Variants in SIPA1L1 observed in about 807,000 individuals in gnomAD.
The protein encoded by SIPA1L1 is signal induced proliferation associated 1 like 1, also known as signal-induced proliferation-associated 1-like protein 1.
SIPA1L1 carries 26 observed loss-of-function variants against 162.7 expected under a neutral mutation model. The ratio of observed to expected loss-of-function variants is 0.16; its 90% confidence interval spans 0.12 to 0.22. SIPA1L1 has a LOEUF of 0.22. Among genes scored for constraint, SIPA1L1 ranks in the 10% least tolerant of loss-of-function variants. SIPA1L1 has a pLI of 1.00. For missense variants in SIPA1L1, 1,874 were observed against 2,241.0 expected, an observed-to-expected ratio of 0.84 and a Z score of 3.31; for synonymous variants, 829 against 837.4, an observed-to-expected ratio of 0.99 and a Z score of 0.17.
Position 71,672,511 on chromosome 14 carries a change from G to C in SIPA1L1, c.2993G>C (p.Cys998Ser). ...CAGGGCAGTCGCCTGGTGGAGATCT[G>C]CAAGGTGGCGGTAGCCACTCTGAGC... ...LRQGSRLVEI[C>S]KVAVATLSHE... Residue 998 changes from cysteine to serine, a missense_variant, in exon 12 of 24, where the codon TGC (cysteine) becomes TCC (serine). Physicochemically the swap from Cys to Ser is moderately radical, Grantham distance 112. Transcript: ENST00000381232. 1 of 1,613,822 alleles carries C rather than the reference G, an allele frequency of 6.2e-7. No individual in the cohort carries two copies. Among genetic ancestry groups the C allele is most frequent in the Non-Finnish European group, 8.5e-7 (1 of 1,179,902 alleles).
At chr14:71,681,859 A>G (rs1019702505) in intron 12 of SIPA1L1, among the ~76,000 whole-genome samples, 1 of 152,364 alleles carries the variant, frequency 6.6e-6, no homozygotes, top group East Asian at 1.9e-4. Context: ...CAAAGACTGA[A>G]AAACAGAGTA....
intron 2 of SIPA1L1, among the ~76,000 whole-genome samples, chr14:71,419,480 CTTTTTTTTTT>C (rs779874892): frequency 1.3e-4 from 11 of 85,246 alleles, no homozygotes; most frequent in East Asian, 3.5e-4. Flanking sequence ...GAGGATCTCT[CTTTTTTTTTT>C]TTTTTTTTTT....
intron 5 of SIPA1L1, among the ~76,000 whole-genome samples, chr14:71,613,052 T>C (rs751939119): frequency 6.6e-6 from 1 of 152,204 alleles, no homozygotes; most frequent in Non-Finnish European, 1.5e-5. Context: ...GATATAATGT[T>C]AATCTCTCCC....
At chr14:71,633,193 A>C (rs537932171) in intron 7 of SIPA1L1, among the ~76,000 whole-genome samples, 1 of 151,474 alleles carries the variant, frequency 6.6e-6, no homozygotes, top group African/African-American at 2.4e-5. Context: ...ATGGGGCCTC[A>C]CTCTGTCGCC....
chr14:71,499,889 A>AT (rs1267838168), intron 2 of SIPA1L1, among the ~76,000 whole-genome samples: 16 of 152,226 alleles, frequency 1.1e-4, no homozygotes, highest in South Asian at 2.1e-4. Flanking sequence ...GGTCATTGAT[A>AT]TGTGTCCCAC....
At chr14:71,629,802 G>A (rs986632930) in intron 7 of SIPA1L1, among the ~76,000 whole-genome samples, 16 of 152,260 alleles carry the variant, frequency 1.1e-4, no homozygotes, top group South Asian at 4.1e-4. Context: ...TCAGAGTAAG[G>A]GAGAAAGTGA....
chr14:71,391,887 A>C (rs112451111), intron 2 of SIPA1L1, among the ~76,000 whole-genome samples: 1 of 152,222 alleles, frequency 6.6e-6, no homozygotes, highest in Non-Finnish European at 1.5e-5. Context: ...GTAGTAGATC[A>C]AGGTGTATTG....
chr14:71,547,024 G>A (rs908450260), intron 4 of SIPA1L1, among the ~76,000 whole-genome samples: 1 of 151,854 alleles, frequency 6.6e-6, no homozygotes, highest in Non-Finnish European at 1.5e-5. Flanking sequence ...AGCCAGAAGC[G>A]TAGTTGTCAG....
At chr14:71,685,995 C>T (rs143424371) in intron 13 of SIPA1L1, among the ~76,000 whole-genome samples, 210 of 152,116 alleles carry the variant, frequency 1.4e-3, no homozygotes, top group Non-Finnish European at 2.5e-3. Flanking sequence ...CATTTTGTTC[C>T]GAAATGATGA....
At chr14:71,636,388 A>G (rs1047471854) in intron 7 of SIPA1L1, among the ~76,000 whole-genome samples, 1 of 152,258 alleles carries the variant, frequency 6.6e-6, no homozygotes, top group Non-Finnish European at 1.5e-5. Flanking sequence ...TAACAGAAAC[A>G]TAATGGAAAA....
At chr14:71,511,601 G>A (rs1007562916) in intron 2 of SIPA1L1, among the ~76,000 whole-genome samples, 1 of 152,106 alleles carries the variant, frequency 6.6e-6, no homozygotes, top group African/African-American at 2.4e-5. Flanking sequence ...AGCATCTTTT[G>A]TTACAGTATT....
chr14:71,330,254 G>C, intron 2 of SIPA1L1: 3 of 680,810 alleles, frequency 4.4e-6, no homozygotes, highest in Non-Finnish European at 8.2e-6. Context: ...CCAGGGAGGG[G>C]CTGAAAGTAG....
intron 7 of SIPA1L1, among the ~76,000 whole-genome samples, chr14:71,633,543 G>A (rs1483263287): frequency 6.6e-6 from 1 of 152,174 alleles, no homozygotes; most frequent in Non-Finnish European, 1.5e-5. Context: ...GGAACAAATG[G>A]AAATGTTAGA....
At chr14:71,529,068 C>T (rs1186314388) in intron 3 of SIPA1L1, among the ~76,000 whole-genome samples, 5 of 151,544 alleles carry the variant, frequency 3.3e-5, no homozygotes, top group Non-Finnish European at 4.4e-5. Context: ...GCCAAGATCG[C>T]ACCATTGCCC....
At chr14:71,455,150 T>A (rs1192231771) in intron 2 of SIPA1L1, among the ~76,000 whole-genome samples, 1 of 152,232 alleles carries the variant, frequency 6.6e-6, no homozygotes, top group Non-Finnish European at 1.5e-5. Flanking sequence ...TTGCATTCTG[T>A]CTCAGAAAAT....
At chr14:71,495,133 G>A (rs2049632751) in intron 2 of SIPA1L1, among the ~76,000 whole-genome samples, 1 of 152,144 alleles carries the variant, frequency 6.6e-6, no homozygotes, top group South Asian at 2.1e-4. Context: ...TAGTATTGTG[G>A]TAATATAAAA....
chr14:71,489,663 G>T (rs1444127367), intron 2 of SIPA1L1, among the ~76,000 whole-genome samples: 1 of 149,712 alleles, frequency 6.7e-6, no homozygotes, highest in Non-Finnish European at 1.5e-5. Flanking sequence ...CTCAGGCCAC[G>T]CATAAAGTAC....
At chr14:71,657,432 A>C (rs1195026707) in intron 8 of SIPA1L1, among the ~76,000 whole-genome samples, 1 of 152,082 alleles carries the variant, frequency 6.6e-6, no homozygotes, top group Non-Finnish European at 1.5e-5. Flanking sequence ...GCAACCCCTA[A>C]GTCCAGATCC....
At position 71,671,666 on chromosome 14, in the gene SIPA1L1, A is replaced by G. The variant is rs1181564853; in HGVS notation, c.2803A>G (p.Ile935Val). 6.2e-7 allele frequency: 1 copy of G among 1,602,660 alleles called. No individual in the cohort carries two copies. The highest frequency in any genetic ancestry group is 8.5e-7 in the Non-Finnish European group (1 of 1,175,400). The change falls in exon 11 of 24, where the codon ATC becomes GTC. Residue 935 changes from isoleucine (I) to valine (V), a missense_variant. Ile to Val is a conservative substitution (Grantham distance 29). Transcript: ENST00000381232. ...SVGSFINIEE[I>V]KEIVKRLQFV... ...GGGTAGTTTTATTAACATTGAGGAG[A>G]TCAAAGAGATTGTCAAAAGGTTGCA...
Sources: allele counts gnomAD v4.1 joint callset (sites outside exome capture counted in the v4.1 genomes callset), GRCh38; gene constraint gnomAD v4.1.1; transcripts MANE v1.5; gene names NCBI Gene and HGNC (gene_info 2026-07-23, HGNC 2026-07-21).